HERC1: variants seen among roughly 807,000 people sequenced by gnomAD.
HERC1 encodes probable E3 ubiquitin-protein ligase HERC1.
A neutral mutation model predicts 554.3 loss-of-function variants in HERC1; 160 were observed. That is an observed-to-expected ratio of 0.29 (90% CI 0.25 to 0.33). HERC1 has a LOEUF of 0.33. Ranked by LOEUF, HERC1 falls within the 10% of genes least tolerant of loss-of-function variation. HERC1 has a pLI of 1.00. For missense variants in HERC1, 4,919 were observed against 5,918.5 expected, an observed-to-expected ratio of 0.83 and a Z score of 5.54; for synonymous variants, 2,175 against 2,131.7, an observed-to-expected ratio of 1.02 and a Z score of -0.56.
intron 12 of HERC1, among the ~76,000 whole-genome samples, chr15:63,746,198 G>T (rs1323458882): frequency 1.3e-5 from 2 of 151,898 alleles, no homozygotes; most frequent in African/African-American, 4.8e-5. Flanking sequence ...AGCTTTAGCT[G>T]CATTTCATGA....
In HERC1 at chr15:63,707,803, C is replaced by T. The variant is rs534979741; in HGVS notation, c.4585-972G>A. On this transcript the variant is annotated intron_variant, in intron 24 of 77. Transcript: ENST00000443617. ...AGTTAGCTGGGTGTGGTAGCACACG[C>T]CTGTAATCCCAGCTACTTGGGAGGC... is the stretch of plus-strand genomic sequence containing the variant. 2.6e-5 allele frequency among the ~76,000 whole-genome samples: 4 copies of T among 151,880 alleles called. No homozygotes were observed. In the East Asian group the frequency reaches 7.8e-4, roughly 30 times the overall value.
intron 74 of HERC1, among the ~76,000 whole-genome samples, chr15:63,617,598 T>C (rs1279814877): frequency 1.3e-5 from 2 of 152,246 alleles, no homozygotes; most frequent in African/African-American, 2.4e-5. Context: ...ACTTCCACAA[T>C]GGTTGAACTA....
At chr15:63,699,057 C>G (rs1459595777) in intron 25 of HERC1, 61 bp from the exon 26 acceptor site, 1 of 1,432,614 alleles carries the variant, frequency 7.0e-7, no homozygotes, top group Non-Finnish European at 9.6e-7. Context: ...CATTCTGAAA[C>G]TAGATAAGGC....
intron 1 of HERC1, among the ~76,000 whole-genome samples, chr15:63,776,384 T>C (rs534135750): frequency 2.0e-5 from 3 of 152,354 alleles, no homozygotes; most frequent in African/African-American, 7.2e-5. Flanking sequence ...TCTAGTTCCC[T>C]GAGCCAAAAA....
chr15:63,701,708 A>T (rs775869667), intron 25 of HERC1, among the ~76,000 whole-genome samples: 8 of 152,330 alleles, frequency 5.3e-5, no homozygotes, highest in Non-Finnish European at 1.0e-4. Flanking sequence ...GAAACACACT[A>T]TGTGGAAGCA....
intron 67 of HERC1, among the ~76,000 whole-genome samples, 178 bp downstream of exon 67, chr15:63,633,670 C>CT (rs1257714356): frequency 2.0e-5 from 3 of 152,192 alleles, no homozygotes; most frequent in Non-Finnish European, 4.4e-5. Context: ...GGATTAATAG[C>CT]TTATTTAAAA....
intron 1 of HERC1, among the ~76,000 whole-genome samples, chr15:63,783,996 G>A (rs2076364145): frequency 1.3e-5 from 2 of 151,400 alleles, no homozygotes; most frequent in Admixed American, 6.6e-5. Context: ...AACCCGGGAG[G>A]CAGAGGTTAC....
At chr15:63,632,109 C>G (rs1381944990) in intron 68 of HERC1, among the ~76,000 whole-genome samples, 1 of 152,146 alleles carries the variant, frequency 6.6e-6, no homozygotes, top group Non-Finnish European at 1.5e-5. Context: ...ATAACTAAAA[C>G]TAAATTCCTT....
At chr15:63,684,718 C>G (rs2071654924) in intron 34 of HERC1, among the ~76,000 whole-genome samples, 1 of 152,060 alleles carries the variant, frequency 6.6e-6, no homozygotes, top group Non-Finnish European at 1.5e-5. Flanking sequence ...GGAAAAAAAT[C>G]TATGTTGGGC....
chr15:63,831,631 T>C (rs1485112297), intron 1 of HERC1, among the ~76,000 whole-genome samples: 2 of 152,150 alleles, frequency 1.3e-5, no homozygotes, highest in African/African-American at 4.8e-5. Context: ...GCTCCTTCAA[T>C]ATACCCAGCC....
chr15:63,667,434 A>T (rs2070699164), intron 40 of HERC1, among the ~76,000 whole-genome samples: 1 of 152,202 alleles, frequency 6.6e-6, no homozygotes, highest in Non-Finnish European at 1.5e-5. Context: ...AAACAAATCA[A>T]ATGTCTACTG....
chr15:63,792,176 T>C (rs1466246514), intron 1 of HERC1, among the ~76,000 whole-genome samples: 1 of 152,188 alleles, frequency 6.6e-6, no homozygotes, highest in Admixed American at 6.6e-5. Context: ...TCAATAAATA[T>C]TAGATGGTAT....
chr15:63,681,232 C>T (rs2071461908), intron 34 of HERC1, among the ~76,000 whole-genome samples: 1 of 152,086 alleles, frequency 6.6e-6, no homozygotes, highest in African/African-American at 2.4e-5. Flanking sequence ...GATGGGGTCT[C>T]ACTCTGTTTC....
chr15:63,670,366 A>G (rs2152962355), intron 39 of HERC1, among the ~76,000 whole-genome samples: 1 of 152,350 alleles, frequency 6.6e-6, no homozygotes, highest in South Asian at 2.1e-4. Context: ...TATAAAGTCC[A>G]TAAAGATCCA....
chr15:63,646,836 A>AAAAC (rs1287061602), intron 55 of HERC1, among the ~76,000 whole-genome samples: 14 of 35,440 alleles, frequency 4.0e-4, no homozygotes, highest in Non-Finnish European at 9.9e-4. Flanking sequence ...AAACAAAAAC[A>AAAAC]AAAACAAAAC....
intron 18 of HERC1, among the ~76,000 whole-genome samples, chr15:63,724,004 C>G (rs534642425): frequency 2.0e-5 from 3 of 152,130 alleles, no homozygotes; most frequent in Non-Finnish European, 4.4e-5. Context: ...CATAGTATAA[C>G]TGAATTATTG....
intron 1 of HERC1, among the ~76,000 whole-genome samples, chr15:63,826,340 T>C (rs1264771257): frequency 6.6e-6 from 1 of 152,184 alleles, no homozygotes; most frequent in African/African-American, 2.4e-5. Context: ...CCCTTCTTCC[T>C]TATGGAACTA....
At position 63,675,237 on chromosome 15, in the gene HERC1, C is replaced by A. The variant is rs1016364815; in HGVS notation, c.7071-120G>T. On this transcript the variant is annotated intron_variant, in intron 37 of 77. Transcript: ENST00000443617. ...TGTACACAATACAGAGAATAATTTA[C>A]ACAAACTAGAGAAATCATTACAAAC... is the stretch of plus-strand genomic sequence containing the variant. 5.3e-5 allele frequency: 40 copies of A among 756,988 alleles called. No homozygotes were observed. In the Middle Eastern group the frequency reaches 1.8e-3, roughly 34 times the overall value. The allele number at this position is 756,988 out of a possible 1,614,324, so 46.9% of individuals were successfully genotyped here.
intron 26 of HERC1, among the ~76,000 whole-genome samples, chr15:63,697,450 A>ATTTTT (rs35244420): frequency 1.8e-5 from 2 of 108,482 alleles, no homozygotes; most frequent in Non-Finnish European, 1.9e-5. Flanking sequence ...GTTAATCTTG[A>ATTTTT]TTTTTTTTTT....
Sources: gnomAD v4.1 joint callset for allele counts (sites outside exome capture counted in the v4.1 genomes callset) on GRCh38, gnomAD v4.1.1 for gene constraint, MANE v1.5 for transcripts, NCBI Gene and HGNC (gene_info 2026-07-23, HGNC 2026-07-21) for gene names.